GHR: variants seen among roughly 807,000 people sequenced by gnomAD.
GHR encodes GH receptor.
In GHR, 35 loss-of-function variants were observed where a neutral mutation model predicts 67.1. The ratio of observed to expected loss-of-function variants is 0.52; its 90% CI spans 0.40 to 0.69. The LOEUF is 0.69. Among genes scored for constraint, GHR ranks in the 30% least tolerant of loss-of-function variants. The pLI is 0.00. For synonymous variants in GHR, 272 were observed against 269.1 expected (o/e 1.01, Z -0.10); for missense variants, 792 against 764.6 (o/e 1.04, Z -0.42).
chr5:42,711,473 T>A (rs904001051), intron 7 of GHR, 101 bp downstream of exon 7: 16 of 819,134 alleles, frequency 2.0e-5, no homozygotes, highest in Non-Finnish European at 2.6e-5. Context: ...AATCAAAATA[T>A]ATTAACATCA....
At chr5:42,657,925 G>T (rs1282702932) in intron 3 of GHR, among the ~76,000 whole-genome samples, 1 of 152,048 alleles carries the variant, frequency 6.6e-6, no homozygotes, top group Admixed American at 6.6e-5. Flanking sequence ...TTTATTTTCA[G>T]CTTATTTCAT....
intron 1 of GHR, among the ~76,000 whole-genome samples, chr5:42,482,645 A>G (rs955821518): frequency 2.6e-5 from 4 of 152,102 alleles, no homozygotes; most frequent in Non-Finnish European, 5.9e-5. Flanking sequence ...TGTGCTAGCA[A>G]TGAGCGAGAC....
rs554787457 is a variant in GHR, at chr5:42,477,814, T to C, written c.-12+53859T>C. On this transcript the variant is annotated intron_variant, in intron 1 of 9. Transcript: ENST00000230882. The stretch of plus-strand genomic sequence containing the variant: ...TGTCAGATGAGTACATTGCAAAAAT[T>C]TTCTCCCATTCTGTAGGTTGCCTGT... Among the ~76,000 whole-genome samples, 47 of 152,332 alleles carry C rather than the reference T, an allele frequency of 3.1e-4. No individual in the cohort carries two copies. In the South Asian group the frequency reaches 6.0e-3, roughly 19 times the overall value.
chr5:42,687,151 A>G (rs954399443), intron 3 of GHR, among the ~76,000 whole-genome samples: 9 of 152,248 alleles, frequency 5.9e-5, no homozygotes, highest in African/African-American at 2.2e-4. Flanking sequence ...AGAACTACAA[A>G]CCACTGCTCA....
chr5:42,583,741 T>C (rs1193217207), intron 2 of GHR, among the ~76,000 whole-genome samples: 1 of 152,168 alleles, frequency 6.6e-6, no homozygotes, highest in Admixed American at 6.5e-5. Flanking sequence ...TTTTTGTTTC[T>C]TTGTCCCTCA....
intron 1 of GHR, among the ~76,000 whole-genome samples, chr5:42,477,279 CATT>C (rs1371193222): frequency 2.6e-5 from 4 of 152,044 alleles, no homozygotes; most frequent in Admixed American, 2.6e-4. Flanking sequence ...TCCAGTCTAT[CATT>C]GTTGGACATT....
intron 1 of GHR, among the ~76,000 whole-genome samples, chr5:42,555,271 C>G (rs1337721070): frequency 6.6e-6 from 1 of 152,126 alleles, no homozygotes; most frequent in East Asian, 1.9e-4. Flanking sequence ...ATATTACATC[C>G]CTTGAGCAAT....
In GHR at chr5:42,671,764, G is replaced by A. The variant is rs544733636; in HGVS notation, c.137-17126G>A. 9.9e-5 allele frequency among the ~76,000 whole-genome samples: 15 copies of A among 151,734 alleles called. No homozygotes were observed. In the South Asian group the frequency reaches 1.5e-3, roughly 15 times the overall value. On this transcript the variant is annotated intron_variant, in intron 3 of 9. Transcript: ENST00000230882. Reference sequence around the variant, plus strand: ...GAGGTCAGGAGATCGAGACCATCCCGGCTAAAACGGTGAAACCCAGTCTCT... The same window carrying A: ...GAGGTCAGGAGATCGAGACCATCCCAGCTAAAACGGTGAAACCCAGTCTCT...
At chr5:42,598,633 T>G (rs1308362041) in intron 2 of GHR, among the ~76,000 whole-genome samples, 1 of 152,246 alleles carries the variant, frequency 6.6e-6, no homozygotes, top group African/African-American at 2.4e-5. Context: ...AGAATTAATC[T>G]TTTATCACCT....
chr5:42,659,509 AG>A (rs1460748640), intron 3 of GHR: 2 of 152,244 alleles, frequency 1.3e-5, no homozygotes, highest in Non-Finnish European at 2.9e-5. Flanking sequence ...CCAAAGGGAA[AG>A]GATTCATCAA....
At chr5:42,505,369 A>AT (rs1420247731) in intron 1 of GHR, among the ~76,000 whole-genome samples, 2 of 151,398 alleles carry the variant, frequency 1.3e-5, no homozygotes, top group East Asian at 1.9e-4. Context: ...TTTACAAGTA[A>AT]TTTTTTTTAA....
At chr5:42,488,120 G>T (rs1290444447) in intron 1 of GHR, among the ~76,000 whole-genome samples, 1 of 152,134 alleles carries the variant, frequency 6.6e-6, no homozygotes, top group Non-Finnish European at 1.5e-5. Flanking sequence ...GCCTGGTTTT[G>T]TTTGGTTTCA....
intron 2 of GHR, among the ~76,000 whole-genome samples, chr5:42,616,957 G>A (rs892503781): frequency 6.6e-6 from 1 of 152,024 alleles, no homozygotes; most frequent in Non-Finnish European, 1.5e-5. Context: ...GGAATGGAAG[G>A]ATTAGAAGTA....
rs558239417 is a variant in GHR, at chr5:42,516,448, C to T, written c.-11-49416C>T. Among the ~76,000 whole-genome samples, 7 of 152,192 alleles carry T rather than the reference C, an allele frequency of 4.6e-5. No homozygotes were observed. In the East Asian group the frequency reaches 1.2e-3, roughly 25 times the overall value. ...AAATCCTGGCTTGGCTACTTCCCAG[C>T]TATGTGATCCTGGGCTTCAGGGTTC... is the stretch of plus-strand genomic sequence containing the variant. On this transcript the variant is annotated intron_variant, in intron 1 of 9. Transcript: ENST00000230882.
chr5:42,484,771 C>T (rs541738693), intron 1 of GHR, among the ~76,000 whole-genome samples: 2 of 152,256 alleles, frequency 1.3e-5, no homozygotes, highest in African/African-American at 2.4e-5. Flanking sequence ...TAATCAAAAG[C>T]TCATTGTAGT....
chr5:42,610,271 C>A (rs1752829068), intron 2 of GHR, among the ~76,000 whole-genome samples: 1 of 152,158 alleles, frequency 6.6e-6, no homozygotes, highest in South Asian at 2.1e-4. Context: ...TGGCAATGAA[C>A]TGATCTGATG....
intron 1 of GHR, among the ~76,000 whole-genome samples, chr5:42,508,820 C>T (rs915348958): frequency 2.0e-4 from 30 of 152,252 alleles, no homozygotes; most frequent in African/African-American, 7.0e-4. Flanking sequence ...GTGATCCACC[C>T]GGCTCGGCCT....
chr5:42,472,851 C>G (rs916968521), intron 1 of GHR, among the ~76,000 whole-genome samples: 4 of 152,130 alleles, frequency 2.6e-5, no homozygotes, highest in African/African-American at 9.7e-5. Flanking sequence ...ACCAGGTCAT[C>G]CCAGAGGTTC....
chr5:42,459,683 A>T (rs911583648), intron 1 of GHR, among the ~76,000 whole-genome samples: 2 of 152,134 alleles, frequency 1.3e-5, no homozygotes, highest in African/African-American at 2.4e-5. Context: ...AAAAAAAATG[A>T]TTAATGAGCG....
Sources: allele counts gnomAD v4.1 joint callset (sites outside exome capture counted in the v4.1 genomes callset), GRCh38; gene constraint gnomAD v4.1.1; transcripts MANE v1.5; gene names NCBI Gene and HGNC (gene_info 2026-07-23, HGNC 2026-07-21).